Variants in ADAMTS20 observed in about 807,000 individuals in gnomAD.
ADAMTS20 encodes the protein ADAM metallopeptidase with thrombospondin type 1 motif 20.
Under a neutral mutation model 260.1 loss-of-function variants are expected in ADAMTS20, and 225 were observed. The observed-to-expected ratio is 0.87, with a 90% CI of 0.78 to 0.97. The LOEUF (loss-of-function observed/expected upper bound fraction) is 0.97. ADAMTS20 is among the 50% of genes least tolerant of loss of function. ADAMTS20 has a pLI of 0.00. For missense variants in ADAMTS20, 2,400 were observed against 2,337.7 expected (o/e 1.03, Z -0.55); for synonymous variants, 802 against 769.5 (o/e 1.04, Z -0.70).
chr12:43,537,623 T>A (rs922226396), intron 2 of ADAMTS20, among the ~76,000 whole-genome samples: 10 of 152,136 alleles, frequency 6.6e-5, no homozygotes, highest in African/African-American at 2.4e-4. Flanking sequence ...TCATTCTAAT[T>A]TTTTATACTC....
chr12:43,415,961 C>T (rs923867906), intron 28 of ADAMTS20, among the ~76,000 whole-genome samples: 1 of 152,112 alleles, frequency 6.6e-6, no homozygotes, highest in African/African-American at 2.4e-5. Flanking sequence ...TCACTCACTG[C>T]CCAAACTTTT....
chr12:43,474,124 C>G (rs1213374582), intron 7 of ADAMTS20, among the ~76,000 whole-genome samples: 1 of 151,128 alleles, frequency 6.6e-6, no homozygotes, highest in Non-Finnish European at 1.5e-5. Flanking sequence ...AGAGCAGAAT[C>G]AAATAGACAC....
At chr12:43,549,687 A>G (rs1363829389) in intron 2 of ADAMTS20, among the ~76,000 whole-genome samples, 2 of 152,182 alleles carry the variant, frequency 1.3e-5, no homozygotes, top group African/African-American at 4.8e-5. Context: ...ATAGGTGGCT[A>G]TGTAAATATT....
chr12:43,457,115 A>G (rs1592079185), intron 11 of ADAMTS20, among the ~76,000 whole-genome samples: 1 of 152,202 alleles, frequency 6.6e-6, no homozygotes, highest in East Asian at 1.9e-4. Context: ...TCCTTGACTT[A>G]TCAGCAATGT....
chr12:43,500,805 G>A (rs1458612480), intron 4 of ADAMTS20, among the ~76,000 whole-genome samples: 5 of 152,138 alleles, frequency 3.3e-5, no homozygotes, highest in African/African-American at 7.2e-5. Flanking sequence ...TTTAGGCAAC[G>A]TAGACTATGG....
intron 9 of ADAMTS20, among the ~76,000 whole-genome samples, 178 bp downstream of exon 9, chr12:43,466,474 T>A (rs924120357): frequency 6.6e-6 from 1 of 151,738 alleles, no homozygotes; most frequent in African/African-American, 2.4e-5. Context: ...CATGTATATA[T>A]ATATATATGT....
chr12:43,356,546 A>G lies in ADAMTS20; in HGVS notation c.5581T>C (p.Ser1861Pro), dbSNP rs367590532. The G allele has an allele frequency of 1.9e-5, 30 of 1,612,270 alleles. No homozygotes were observed. The African/African-American group carries it at 3.2e-4, about 17-fold the overall frequency. The change falls in exon 38 of 39, where the codon TCC becomes CCC. Residue 1861 changes from serine (S) to proline (P), a missense_variant. Physicochemically the swap from Ser to Pro is moderately conservative, Grantham distance 74. Coordinates refer to ENST00000389420, the MANE Select transcript of ADAMTS20 (RefSeq NM_025003.5). ...TGAGTGAGCCACTTTGCTGTGCTGGATATCTTCATCCCAGTTCCTGACAAA... is the reference window on the plus strand; with the variant it reads ...TGAGTGAGCCACTTTGCTGTGCTGGGTATCTTCATCCCAGTTCCTGACAAA... ...INLSGTGMKISSTAKWLTQGS... is the reference protein window; with the variant it reads ...INLSGTGMKIPSTAKWLTQGS...
chr12:43,385,727 T>G (rs1279960792), intron 29 of ADAMTS20, among the ~76,000 whole-genome samples: 1 of 152,216 alleles, frequency 6.6e-6, no homozygotes, highest in African/African-American at 2.4e-5. Context: ...ATTGCTTGTT[T>G]TTGTTAAAGA....
Position 43,354,251 on chromosome 12 carries a change from A to T in ADAMTS20, c.5691T>A (p.Cys1897Ter). The stretch of plus-strand genomic sequence containing the variant: ...GGAGACCAGTAGTCATGTGAGGAAG[A>T]CACTTTCCACAGTACCCTCCACATT... Reference protein sequence around the residue: ...FGKCGGYCGKCLPHMTTGLPI... With the variant: ...FGKCGGYCGK The change falls in exon 39 of 39, where the codon TGT becomes TGA. Residue 1897 changes from cysteine to a stop codon, truncating the protein, a stop_gained. Coordinates refer to ENST00000389420, the MANE Select transcript of ADAMTS20 (RefSeq NM_025003.5). LOFTEE classifies it high-confidence loss of function. 2.5e-6 allele frequency: 4 copies of T among 1,595,066 alleles called. No individual in the cohort carries two copies. The highest frequency in any genetic ancestry group is 3.4e-6 in the Non-Finnish European group (4 of 1,169,574).
intron 28 of ADAMTS20, among the ~76,000 whole-genome samples, chr12:43,403,543 A>G (rs954949266): frequency 6.6e-6 from 1 of 152,090 alleles, no homozygotes; most frequent in African/African-American, 2.4e-5. Flanking sequence ...TCATGCATAA[A>G]CTGTGCCCTT....
rs192230737 is a variant in ADAMTS20 at position 43,404,299 on chromosome 12, A to T, written c.4285-5066T>A. On this transcript the variant is annotated intron_variant, in intron 28 of 38. Transcript: ENST00000389420. ...TACCTTTCTTTTACAAGGAGGAAAT[A>T]ATACCAACGCACCATGAACCACAGG... is the stretch of plus-strand genomic sequence containing the variant. Among the ~76,000 whole-genome samples, 360 of 152,158 alleles carry T rather than the reference A, an allele frequency of 2.4e-3. 3 individuals are homozygous for T. The highest frequency in any genetic ancestry group is 0.014 in the Middle Eastern group (4 of 294).
At chr12:43,389,763 A>G (rs997347598) in intron 29 of ADAMTS20, among the ~76,000 whole-genome samples, 5 of 152,108 alleles carry the variant, frequency 3.3e-5, no homozygotes, top group African/African-American at 4.8e-5. Context: ...CCACTGTCCA[A>G]TAACATGATA....
At chr12:43,425,903 CAA>C (rs1219598320) in intron 27 of ADAMTS20, among the ~76,000 whole-genome samples, 1 of 151,934 alleles carries the variant, frequency 6.6e-6, no homozygotes, top group Non-Finnish European at 1.5e-5. Context: ...AAAAATAAAT[CAA>C]AGTTTCAATT....
Position 43,462,839 on chromosome 12 carries a change from C to T in ADAMTS20, c.1614+56G>A, listed in dbSNP as rs1380739824. On this transcript the variant is annotated intron_variant, in intron 11 of 38. Transcript: ENST00000389420. ...ACAAACAGAGTGCTAAAATGCAGAG[C>T]AATCACATCCTTGGATAATATCTTC... is the stretch of plus-strand genomic sequence containing the variant. The T allele has an allele frequency of 6.4e-6, 9 of 1,395,806 alleles. No individual in the cohort carries two copies. The Admixed American group carries it at 1.7e-4, about 26-fold the overall frequency. The allele number at this position is 1,395,806 out of a possible 1,614,324, so 86.5% of individuals were successfully genotyped here.
chr12:43,503,692 G>GC (rs1555138193), intron 3 of ADAMTS20, among the ~76,000 whole-genome samples: 2 of 151,992 alleles, frequency 1.3e-5, no homozygotes, highest in Middle Eastern at 3.4e-3. Context: ...CCCCATATTT[G>GC]TTTTTTTCTG....
At chr12:43,444,015 G>C in intron 15 of ADAMTS20, 132 bp from the exon 16 acceptor site, 1 of 647,858 alleles carries the variant, frequency 1.5e-6, no homozygotes, top group Non-Finnish European at 2.7e-6. Flanking sequence ...AAATTACACA[G>C]TGGTTATTCT....
intron 7 of ADAMTS20, among the ~76,000 whole-genome samples, chr12:43,485,108 A>AGC (rs1942502078): frequency 2.3e-5 from 3 of 132,646 alleles, no homozygotes; most frequent in Non-Finnish European, 3.3e-5. Context: ...AAAAAAAAAA[A>AGC]AAAGCAACAA....
At chr12:43,424,554 A>G (rs1239257576) in intron 28 of ADAMTS20, among the ~76,000 whole-genome samples, 1 of 151,940 alleles carries the variant, frequency 6.6e-6, no homozygotes, top group African/African-American at 2.4e-5. Flanking sequence ...AAACAAAATA[A>G]TAAGTTGGAT....
At chr12:43,531,634 T>C (rs1190897889) in intron 3 of ADAMTS20, among the ~76,000 whole-genome samples, 1 of 152,140 alleles carries the variant, frequency 6.6e-6, no homozygotes, top group African/African-American at 2.4e-5. Flanking sequence ...AGGCTACAGT[T>C]GCAGGCGGGA....
Sources: allele counts gnomAD v4.1 joint callset (sites outside exome capture counted in the v4.1 genomes callset), GRCh38; gene constraint gnomAD v4.1.1; transcripts MANE v1.5; gene names NCBI Gene and HGNC (gene_info 2026-07-23, HGNC 2026-07-21).